Variants in MED16 observed in about 807,000 individuals in gnomAD.
MED16 encodes the protein mediator complex subunit 16.
MED16 carries 81 observed loss-of-function variants against 84.4 expected under a neutral mutation model. The ratio of observed to expected loss-of-function variants is 0.96; its 90% CI spans 0.80 to 1.15. The LOEUF (loss-of-function observed/expected upper bound fraction) is 1.15. Ranked by LOEUF, MED16 falls within the 50% of genes most tolerant of loss-of-function variation. MED16 has a pLI of 0.00. For missense variants in MED16, 1,585 were observed against 1,245.9 expected (o/e 1.27, Z -4.10); for synonymous variants, 897 against 552.2 (o/e 1.62, Z -8.76).
In MED16 at chr19:882,951, C is replaced by G. The variant is rs150528593; in HGVS notation, c.986-1237G>C. On this transcript the variant is annotated intron_variant, in intron 6 of 15. Transcript: ENST00000325464. ...GAGTGGCTGAGACGCCCAGAGGGCA[C>G]ACAGTGGTCAGGGGTGGCTGGCCCT... Among the ~76,000 whole-genome samples the G allele has an allele frequency of 1.9e-3, 285 of 152,340 alleles. 1 individual carries two copies. Among genetic ancestry groups the G allele is most frequent in the Non-Finnish European group, 3.3e-3 (227 of 68,028 alleles).
chr19:891,152 G>A lies in MED16; in HGVS notation c.-18-3C>T, dbSNP rs775236722. On this transcript the variant is annotated splice_polypyrimidine_tract_variant and splice_region_variant and intron_variant, in intron 1 of 15. Coordinates refer to ENST00000325464, the MANE Select transcript of MED16 (RefSeq NM_005481.3). Reference sequence around the variant, plus strand: ...CACATGAGGGCAGTCACCAGCTCCTGCGGGAGGGAGGTGTGGTGGGACGTC... The same window carrying A: ...CACATGAGGGCAGTCACCAGCTCCTACGGGAGGGAGGTGTGGTGGGACGTC... 6 of 1,603,502 alleles carry A rather than the reference G, an allele frequency of 3.7e-6. No individual in the cohort carries two copies. The highest frequency in any genetic ancestry group is 1.1e-5 in the South Asian group (1 of 89,806).
chr19:872,652 CG>C (rs1312807051), intron 11 of MED16, among the ~76,000 whole-genome samples: 4 of 75,668 alleles, frequency 5.3e-5, no homozygotes, highest in African/African-American at 2.2e-4. Flanking sequence ...AGTGTACCGG[CG>C]GGGGGGTGGG....
intron 8 of MED16, 71 bp from the exon 9 acceptor site, chr19:877,251 C>T (rs2036270808): frequency 6.8e-7 from 1 of 1,473,420 alleles, no homozygotes; most frequent in Non-Finnish European, 9.2e-7. Context: ...AGGAATGGGG[C>T]CCTGGGGCTG....
intron 9 of MED16, among the ~76,000 whole-genome samples, chr19:876,697 C>T (rs948705701): frequency 2.6e-5 from 4 of 152,040 alleles, no homozygotes; most frequent in African/African-American, 9.7e-5. Context: ...CCCAACCTGC[C>T]GCAGGGAAAC....
At chr19:886,784 A>G (rs1164709016) in intron 4 of MED16, among the ~76,000 whole-genome samples, 3 of 152,224 alleles carry the variant, frequency 2.0e-5, no homozygotes, top group Admixed American at 6.5e-5. Context: ...CTTTTAAAAG[A>G]TGGGGTCTTG....
intron 7 of MED16, among the ~76,000 whole-genome samples, chr19:880,545 C>T (rs1242609571): frequency 6.6e-6 from 1 of 152,006 alleles, no homozygotes. Flanking sequence ...TGGGGTCTGC[C>T]ATTGTACGAG....
In MED16 at chr19:877,091, G is replaced by C; in HGVS notation, c.1443C>G (p.Cys481Trp). Residue 481 changes from cysteine to tryptophan, a missense_variant, in exon 9 of 16, where the codon TGC becomes TGG. Cys to Trp is a radical substitution (Grantham distance 215, BLOSUM62 -2). Transcript: ENST00000325464. ...LRHLLFLLEY[C>W]MVTGYDWWDI... ...CCCACCAGTCGTAGCCGGTCACCAT[G>C]CAGTACTCCAGCAGGAAGAGCAGGT... is the stretch of plus-strand genomic sequence containing the variant. 1 of 1,612,698 alleles carries C rather than the reference G, an allele frequency of 6.2e-7. No individual in the cohort carries two copies.
rs2036425827 is a variant in MED16, at chr19:881,707, G to A, written c.993C>T (p.Asp331=). ...IFQQISPVVG[D]KQPTILKWRI... ...GCCATTTGAGAATTGTGGGCTGTTTGTCGCCAACTGAAAAATCAGGGGCAG... is the reference window on the plus strand; with the variant it reads ...GCCATTTGAGAATTGTGGGCTGTTTATCGCCAACTGAAAAATCAGGGGCAG... The change falls in exon 7 of 16, where the codon GAC becomes GAT. Residue 331 remains aspartate (D), a synonymous_variant. Transcript: ENST00000325464. The A allele has an allele frequency of 6.2e-7, 1 of 1,609,162 alleles. No individual in the cohort carries two copies. Among genetic ancestry groups the A allele is most frequent in the Non-Finnish European group, 8.5e-7 (1 of 1,177,054 alleles).
At chr19:891,256 C>A in intron 1 of MED16, 107 bp from the exon 2 acceptor site, 4 of 1,148,750 alleles carry the variant, frequency 3.5e-6, no homozygotes, top group Non-Finnish European at 4.9e-6. Context: ...GTAGAGGGAA[C>A]AGCCGATGCA....
intron 9 of MED16, among the ~76,000 whole-genome samples, chr19:876,572 A>G (rs1194107330): frequency 1.3e-5 from 2 of 152,096 alleles, no homozygotes; most frequent in African/African-American, 2.4e-5. Flanking sequence ...GTAAGGAAGG[A>G]AACTGCTTCT....
At chr19:886,230 G>A (rs1181710971) in intron 4 of MED16, 29 bp from the exon 5 acceptor site, 4 of 1,484,380 alleles carry the variant, frequency 2.7e-6, no homozygotes, top group Non-Finnish European at 3.6e-6. Context: ...GGGAGGAGGG[G>A]CCGCTCAGGC....
At chr19:868,760 T>C in intron 14 of MED16, 103 bp downstream of exon 14, 1 of 1,297,498 alleles carries the variant, frequency 7.7e-7, no homozygotes, top group Non-Finnish European at 1.1e-6. Context: ...ACGTGCTCCC[T>C]CCACCACCCT....
At chr19:885,713 A>G in intron 5 of MED16, 57 bp downstream of exon 5, 13 of 1,571,680 alleles carry the variant, frequency 8.3e-6, no homozygotes, top group Non-Finnish European at 1.1e-5. Flanking sequence ...CAGGACCCTG[A>G]GAAGCAGTGC....
chr19:871,521 T>C, intron 12 of MED16: 4 of 1,560,224 alleles, frequency 2.6e-6, no homozygotes, highest in South Asian at 2.3e-5. Flanking sequence ...CACTGTGCCT[T>C]TTCCAGACAC....
chr19:887,749 G>A (rs191632722), intron 4 of MED16, among the ~76,000 whole-genome samples: 1 of 152,282 alleles, frequency 6.6e-6, no homozygotes, highest in Non-Finnish European at 1.5e-5. Flanking sequence ...ATCACGCTCA[G>A]TAAGAGATGC....
intron 4 of MED16, among the ~76,000 whole-genome samples, chr19:887,828 G>C (rs1175229685): frequency 6.6e-6 from 1 of 152,032 alleles, no homozygotes; most frequent in Non-Finnish European, 1.5e-5. Context: ...GATCCAGAGA[G>C]ACAACTGGGT....
At chr19:878,040 AC>A (rs2036301962) in intron 8 of MED16, among the ~76,000 whole-genome samples, 1 of 78,348 alleles carries the variant, frequency 1.3e-5, no homozygotes, top group Non-Finnish European at 2.4e-5. Context: ...CCCCAGCCCC[AC>A]GTGCCCCAGC....
chr19:890,997 G>A lies in MED16; in HGVS notation c.135C>T (p.Ile45=), dbSNP rs147657855. The A allele has an allele frequency of 5.3e-5, 86 of 1,614,032 alleles. No individual in the cohort carries two copies. In the African/African-American group the frequency reaches 7.9e-4, roughly 15 times the overall value. Residue 45 remains isoleucine, a synonymous_variant, in exon 2 of 16, where the codon ATC becomes ATT. Transcript: ENST00000325464. The part of the protein sequence containing the change: ...LACAWSCRNL[I]AFTMDLRSDD... ...CGCTGCGCAGGTCCATGGTGAAGGC[G>A]ATGAGATTTCGGCAGGACCAGGCGC...
intron 13 of MED16, among the ~76,000 whole-genome samples, chr19:869,452 G>A (rs1170099398): frequency 6.6e-6 from 1 of 152,120 alleles, no homozygotes; most frequent in Non-Finnish European, 1.5e-5. Context: ...GGGTGGGCCG[G>A]CTTATTCTGC....
Sources: allele counts gnomAD v4.1 joint callset (sites outside exome capture counted in the v4.1 genomes callset), GRCh38; gene constraint gnomAD v4.1.1; transcripts MANE v1.5; gene names NCBI Gene and HGNC (gene_info 2026-07-23, HGNC 2026-07-21).